The following NRDE2 variants were observed in gnomAD, a reference collection of about 807,000 sequenced individuals.
NRDE2 encodes nuclear exosome regulator NRDE2.
In NRDE2, 76 loss-of-function variants were observed where a neutral mutation model predicts 124.2. The ratio of observed to expected loss-of-function variants is 0.61; its 90% CI spans 0.51 to 0.74. The LOEUF is 0.74. Ranked by LOEUF, NRDE2 falls within the 30% of genes least tolerant of loss-of-function variation. The pLI, the probability that NRDE2 is intolerant of heterozygous loss-of-function variation, is 0.00. For synonymous variants in NRDE2, 489 were observed against 528.1 expected, an observed-to-expected ratio of 0.93 and a Z score of 1.01; for missense variants, 1,314 against 1,417.3, an observed-to-expected ratio of 0.93 and a Z score of 1.17.
Position 90,286,415 on chromosome 14 carries a change from G to C in NRDE2, c.3236C>G (p.Ala1079Gly). The change falls in exon 12 of 14, where the codon GCC (alanine) becomes GGC (glycine). Residue 1079 changes from alanine (A) to glycine (G), a missense_variant. Coordinates refer to ENST00000354366, the MANE Select transcript of NRDE2 (RefSeq NM_017970.4). ...CTGGCTGCCACTGTCGCTGCGCATG[G>C]CATTTTCAAACAGGGCTTGGATCCG... ...MHRIQALFENAMRSDSGSQCP... is the reference protein window; with the variant it reads ...MHRIQALFENGMRSDSGSQCP... The C allele has an allele frequency of 6.2e-7, 1 of 1,614,116 alleles. No homozygotes were observed. Among genetic ancestry groups the C allele is most frequent in the Non-Finnish European group, 8.5e-7 (1 of 1,179,992 alleles).
At chr14:90,281,235 T>A (rs1209034645) in intron 12 of NRDE2, 1 of 152,820 alleles carries the variant, frequency 6.5e-6, no homozygotes, top group Admixed American at 6.5e-5. Flanking sequence ...GAGACCAGCC[T>A]GGGCAACATG....
In NRDE2 at chr14:90,271,644, C is replaced by T. The variant is rs934227188; in HGVS notation, c.*6692G>A. 6.6e-6 allele frequency: 1 copy of T among 151,918 alleles called. No individual in the cohort carries two copies. 9.4% of individuals were successfully genotyped at this position (151,918 alleles called of 1,614,324 possible). A position where few individuals can be genotyped will look rare whatever the true frequency, so the allele number is the denominator to read the frequency against. ...TTCAGGGCATAATTTTGTTTATTTCCTAGGAATATTATTCTCTTTAACAAA... is the reference window on the plus strand; with the variant it reads ...TTCAGGGCATAATTTTGTTTATTTCTTAGGAATATTATTCTCTTTAACAAA... On this transcript the variant is annotated 3_prime_UTR_variant, in exon 14 of 14. Transcript: ENST00000354366.
rs1891704985 is a variant in NRDE2, at chr14:90,272,837, T to C, written c.*5499A>G. 1 of 153,936 alleles carries C rather than the reference T, an allele frequency of 6.5e-6. No homozygotes were observed. Among genetic ancestry groups the C allele is most frequent in the Non-Finnish European group, 1.4e-5 (1 of 69,182 alleles). The allele number at this position is 153,936 out of a possible 1,614,324, so 9.5% of individuals were successfully genotyped here. ...ACTACCACAGAGCCAGGGATATTCG[T>C]TGTTTAAATAATAAAGGCTGCGTTA... On this transcript the variant is annotated 3_prime_UTR_variant, in exon 14 of 14. Transcript: ENST00000354366. The surrounding 1 kb of genome is among the most constrained non-coding windows in gnomAD (Gnocchi z 4.5).
Position 90,304,161 on chromosome 14 carries a change from T to A in NRDE2, c.779A>T (p.Glu260Val), listed in dbSNP as rs1884512767. ...CCAGGTTGTAACAGGAGCCGCATCT[T>A]CCAAGTCCTTCACTGGTATAAAGGA... ...PISFIPVKDL[E>V]DAAPVTTWLN... The change falls in exon 5 of 14, where the codon GAA becomes GTA. Residue 260 changes from glutamate to valine, a missense_variant. Glu to Val is a moderately radical substitution (Grantham distance 121). Coordinates refer to ENST00000354366, the MANE Select transcript of NRDE2 (RefSeq NM_017970.4). The A allele has an allele frequency of 6.2e-7, 1 of 1,614,224 alleles. No individual in the cohort carries two copies. The highest frequency in any genetic ancestry group is 8.5e-7 in the Non-Finnish European group (1 of 1,180,046).
chr14:90,290,195 A>T, intron 10 of NRDE2, 26 bp downstream of exon 10: 2 of 1,602,398 alleles, frequency 1.2e-6, no homozygotes, highest in South Asian at 1.1e-5. Flanking sequence ...AAGTCCCCAA[A>T]CATGGGAGGA....
chr14:90,304,258 T>A lies in NRDE2; in HGVS notation c.682A>T (p.Ser228Cys). The A allele has an allele frequency of 1.2e-6, 2 of 1,614,148 alleles. No homozygotes were observed. The highest frequency in any genetic ancestry group is 1.7e-6 in the Non-Finnish European group (2 of 1,180,030). Residue 228 changes from serine (S) to cysteine (C), a missense_variant, in exon 5 of 14, where the codon AGT becomes TGT. Transcript: ENST00000354366. ...KQVERYFTKK[S>C]VGLMNIDGVA... ...CCATCGATGTTCATTAATCCCACAC[T>A]CTTCTTAGTAAAATAGCGTTCAACC...
chr14:90,308,924 G>A (rs148052046), intron 4 of NRDE2, among the ~76,000 whole-genome samples: 24 of 152,154 alleles, frequency 1.6e-4, no homozygotes, highest in African/African-American at 4.8e-4. Flanking sequence ...AGTGAGGAGA[G>A]TTGCTGCAGT....
Position 90,278,180 on chromosome 14 carries a change from C to CA in NRDE2, c.*155dup. 1 of 784,092 alleles carries CA rather than the reference C, an allele frequency of 1.3e-6. No homozygotes were observed. Among genetic ancestry groups the CA allele is most frequent in the South Asian group, 1.8e-5 (1 of 56,792 alleles). The allele number at this position is 784,092 out of a possible 1,614,324, so 48.6% of individuals were successfully genotyped here. On this transcript the variant is annotated 3_prime_UTR_variant, in exon 14 of 14. Transcript: ENST00000354366. ...GTCATTTACACACCCAAAAAGTGTG[C>CA]AAGATGTGAGAGGCTGGCAGCCCAC...
chr14:90,268,191 C>CTTTTTTTTTTTTTTTT lies in NRDE2; in HGVS notation c.*10144_*10145insAAAAAAAAAAAAAAAA. Reference sequence around the variant, plus strand: ...TAAGTTAAAATGGCACTTAAGGTGTCTTTTTTTTTTTTATCTTTTTCATCC... The same window carrying CTTTTTTTTTTTTTTTT: ...TAAGTTAAAATGGCACTTAAGGTGTCTTTTTTTTTTTTTTTTTTTTTTTTTTTTATCTTTTTCATCC... On this transcript the variant is annotated 3_prime_UTR_variant, in exon 14 of 14. Coordinates refer to ENST00000354366, the MANE Select transcript of NRDE2 (RefSeq NM_017970.4). 1 of 1,303,802 alleles carries CTTTTTTTTTTTTTTTT rather than the reference C, an allele frequency of 7.7e-7. No individual in the cohort carries two copies. Among genetic ancestry groups the CTTTTTTTTTTTTTTTT allele is most frequent in the Non-Finnish European group, 1.0e-6 (1 of 969,810 alleles). The allele number at this position is 1,303,802 out of a possible 1,614,324, so 80.8% of individuals were successfully genotyped here.
intron 1 of NRDE2, among the ~76,000 whole-genome samples, chr14:90,318,658 G>T (rs897395707): frequency 1.3e-5 from 2 of 152,036 alleles, no homozygotes; most frequent in Non-Finnish European, 2.9e-5. Flanking sequence ...AAATTAGCCG[G>T]GTGTGGTAGC....
intron 12 of NRDE2, among the ~76,000 whole-genome samples, chr14:90,285,249 C>A (rs1445548128): frequency 1.6e-4 from 19 of 120,742 alleles, no homozygotes; most frequent in African/African-American, 6.1e-4. Context: ...CCAGCCTGGG[C>A]AACAGAATGA....
Position 90,270,568 on chromosome 14 carries a change from T to G in NRDE2, c.*7768A>C. 2.0e-6 allele frequency: 1 copy of G among 507,014 alleles called. No homozygotes were observed. The allele number at this position is 507,014 out of a possible 1,614,324, so 31.4% of individuals were successfully genotyped here. A position where few individuals can be genotyped will look rare whatever the true frequency, so the allele number is the denominator to read the frequency against. ...ATGCAGTGAATGACGCTAAATCACC[T>G]GGAGCCACAAGGCTGAGTCGCTGGT... On this transcript the variant is annotated 3_prime_UTR_variant, in exon 14 of 14. Transcript: ENST00000354366.
intron 4 of NRDE2, among the ~76,000 whole-genome samples, chr14:90,311,896 A>G (rs1335582521): frequency 6.6e-6 from 1 of 152,238 alleles, no homozygotes; most frequent in East Asian, 1.9e-4. Flanking sequence ...TTAGAGGGGA[A>G]AAGTTCAAAC....
rs527622168 is a variant in NRDE2, at chr14:90,324,975, T to G, written c.65-6862A>C. On this transcript the variant is annotated intron_variant, in intron 1 of 13. Transcript: ENST00000354366. ...CAGGACTAACGGCGGGGACGCTATT[T>G]TAGGAGGCTGTTGTAGTAATCTAGG... 5.9e-5 allele frequency among the ~76,000 whole-genome samples: 9 copies of G among 152,192 alleles called. No individual in the cohort carries two copies. In the South Asian group the frequency reaches 1.7e-3, roughly 28 times the overall value.
chr14:90,292,674 T>C (rs2139678741), intron 9 of NRDE2, 23 bp downstream of exon 9: 1 of 1,602,016 alleles, frequency 6.2e-7, no homozygotes, highest in East Asian at 2.2e-5. Context: ...GACAGCTTCC[T>C]GCCTGGGGCG....
At chr14:90,285,430 T>G (rs1328804633) in intron 12 of NRDE2, among the ~76,000 whole-genome samples, 1 of 150,642 alleles carries the variant, frequency 6.6e-6, no homozygotes, top group Non-Finnish European at 1.5e-5. Context: ...GCCTCCCAGG[T>G]GGCTGGGATT....
chr14:90,325,094 G>T (rs549429578), intron 1 of NRDE2, among the ~76,000 whole-genome samples: 1 of 152,150 alleles, frequency 6.6e-6, no homozygotes, highest in African/African-American at 2.4e-5. Context: ...AATTGAATGG[G>T]TGGAAGTGGG....
At chr14:90,298,139 G>A in intron 8 of NRDE2, 121 bp downstream of exon 8, 1 of 1,077,918 alleles carries the variant, frequency 9.3e-7, no homozygotes, top group Non-Finnish European at 1.4e-6. Flanking sequence ...TTGACATTTT[G>A]ATGTTTGTGC....
intron 1 of NRDE2, among the ~76,000 whole-genome samples, chr14:90,324,008 C>T (rs1388615110): frequency 3.9e-5 from 6 of 152,072 alleles, no homozygotes; most frequent in African/African-American, 1.2e-4. Context: ...TTCTATGCAA[C>T]GTGACAAATG....
Sources: gnomAD v4.1 joint callset for allele counts (sites outside exome capture counted in the v4.1 genomes callset) on GRCh38, gnomAD v4.1.1 for gene constraint, Gnocchi (gnomAD v3.1) non-coding constraint, MANE v1.5 for transcripts, NCBI Gene and HGNC (gene_info 2026-07-23, HGNC 2026-07-21) for gene names.